RNF149: variants seen among roughly 807,000 people sequenced by gnomAD.
RNF149 encodes E3 ubiquitin-protein ligase RNF149.
A neutral mutation model predicts 39.0 loss-of-function variants in RNF149; 21 were observed. The observed-to-expected ratio is 0.54, with a 90% confidence interval of 0.38 to 0.77. The LOEUF (loss-of-function observed/expected upper bound fraction) is 0.77, where lower values mean the gene tolerates loss of function less well. RNF149 is among the 30% of genes least tolerant of loss of function. The pLI, the probability that RNF149 is intolerant of heterozygous loss-of-function variation, is 0.00. For missense variants in RNF149, 493 were observed against 534.9 expected (o/e 0.92, Z 0.77); for synonymous variants, 209 against 213.6 (o/e 0.98, Z 0.19).
In RNF149 at chr2:101,276,050, C is replaced by T; in HGVS notation, c.*1188G>A. ...AATAATCTATATAAATCTTTATATC[C>T]TACATATGGCTATAAAAATAAATTT... On this transcript the variant is annotated 3_prime_UTR_variant, in exon 7 of 7. Coordinates refer to ENST00000295317, the MANE Select transcript of RNF149 (RefSeq NM_173647.4). 2 of 829,894 alleles carry T rather than the reference C, an allele frequency of 2.4e-6. No homozygotes were observed. Among genetic ancestry groups the T allele is most frequent in the Non-Finnish European group, 2.9e-6 (2 of 688,442 alleles). The allele number at this position is 829,894 out of a possible 1,614,324, so 51.4% of individuals were successfully genotyped here.
At chr2:101,293,869 C>T (rs1478696579) in intron 3 of RNF149, 145 bp downstream of exon 3, 5 of 536,320 alleles carry the variant, frequency 9.3e-6, no homozygotes, top group East Asian at 3.1e-5. Context: ...TTGCTATATG[C>T]GACTAGTGGC....
Position 101,280,201 on chromosome 2 carries a change from A to AATAATGATG in RNF149, c.1159+1657_1159+1658insCATCATTAT, listed in dbSNP as rs70943072. ...AAATAATAATAATAATAATAATAAT[A>AATAATGATG]ATGATGATGATGATGATAATGTAGA... is the stretch of plus-strand genomic sequence containing the variant. On this transcript the variant is annotated intron_variant, in intron 6 of 6. Transcript: ENST00000295317. Among the ~76,000 whole-genome samples the AATAATGATG allele has an allele frequency of 4.4e-4, 65 of 146,634 alleles. No individual in the cohort carries two copies. In the East Asian group the frequency reaches 7.8e-3, roughly 18 times the overall value.
intron 1 of RNF149, among the ~76,000 whole-genome samples, chr2:101,303,281 ATTTT>A (rs57224969): frequency 6.7e-5 from 9 of 135,152 alleles, no homozygotes; most frequent in Non-Finnish European, 7.9e-5. Flanking sequence ...ACGTTGGCTC[ATTTT>A]TTTTTTTTTT....
At position 101,308,619 on chromosome 2, in the gene RNF149, C is replaced by G; in HGVS notation, c.-31G>C. On this transcript the variant is annotated 5_prime_UTR_variant, in exon 1 of 7. Transcript: ENST00000295317. ...CACCGCTGAGCTGACTAGGGGGAGT[C>G]AGGGTCACGCGCGAGTGCGGTGCAG... 6.7e-7 allele frequency: 1 copy of G among 1,483,182 alleles called. No individual in the cohort carries two copies. Among genetic ancestry groups the G allele is most frequent in the African/African-American group, 1.5e-5 (1 of 68,772 alleles). The allele number at this position is 1,483,182 out of a possible 1,614,324, so 91.9% of individuals were successfully genotyped here. A position where few individuals can be genotyped will look rare whatever the true frequency, so the allele number is the denominator to read the frequency against.
In RNF149 at chr2:101,275,938, TG is replaced by T. The variant is rs1387674251; in HGVS notation, c.*1299del. 1.0e-6 allele frequency: 1 copy of T among 984,318 alleles called. No homozygotes were observed. Among genetic ancestry groups the T allele is most frequent in the Admixed American group, 6.1e-5 (1 of 16,264 alleles). 61.0% of individuals were successfully genotyped at this position (984,318 alleles called of 1,614,324 possible). ...TTTCTACTTCAATAGCTCCTCATAC[TG>T]CATCTGTCTGTAGAGTTTATTTCAG... is the stretch of plus-strand genomic sequence containing the variant. On this transcript the variant is annotated 3_prime_UTR_variant, in exon 7 of 7. Transcript: ENST00000295317.
At chr2:101,272,856 CTAT>C (rs1682179959), downstream of RNF149, 3 of 952,524 alleles carry the variant, frequency 3.1e-6, no homozygotes, top group Non-Finnish European at 4.5e-6. Context: ...TCCTGAAGGT[CTAT>C]TATTATTTTT....
chr2:101,276,779 AAAC>A lies in RNF149; in HGVS notation c.*456_*458del, dbSNP rs933377423. The A allele has an allele frequency of 3.0e-6, 3 of 990,012 alleles. No individual in the cohort carries two copies. The highest frequency in any genetic ancestry group is 1.2e-4 in the Admixed American group (2 of 17,238). The allele number at this position is 990,012 out of a possible 1,614,324, so 61.3% of individuals were successfully genotyped here. Reference sequence around the variant, plus strand: ...TACAAGTTTCAAGTTCTTAAAAAAAAAACAACAAAAAAAACCTTTCCTCCAGGG... The same window carrying A: ...TACAAGTTTCAAGTTCTTAAAAAAAAAACAAAAAAAACCTTTCCTCCAGGG... On this transcript the variant is annotated 3_prime_UTR_variant, in exon 7 of 7. Transcript: ENST00000295317.
At chr2:101,298,970 T>G (rs1386578298) in intron 1 of RNF149, among the ~76,000 whole-genome samples, 1 of 152,154 alleles carries the variant, frequency 6.6e-6, no homozygotes, top group African/African-American at 2.4e-5. Flanking sequence ...GCCAACATGG[T>G]GAAACCCCGT....
At position 101,276,016 on chromosome 2, in the gene RNF149, G is replaced by T. The variant is rs1682333131; in HGVS notation, c.*1222C>A. The T allele has an allele frequency of 5.5e-6, 5 of 901,038 alleles. No individual in the cohort carries two copies. In the South Asian group the frequency reaches 2.0e-4, roughly 37 times the overall value. 55.8% of individuals were successfully genotyped at this position (901,038 alleles called of 1,614,324 possible). ...GTAGCTAGAATTAAAGCATTAAGTA[G>T]CTTGAGAAAATAATCTATATAAATC... On this transcript the variant is annotated 3_prime_UTR_variant, in exon 7 of 7. Coordinates refer to ENST00000295317, the MANE Select transcript of RNF149 (RefSeq NM_173647.4).
intron 4 of RNF149, among the ~76,000 whole-genome samples, chr2:101,288,108 A>G (rs1203890821): frequency 2.0e-5 from 3 of 151,218 alleles, no homozygotes; most frequent in Non-Finnish European, 2.9e-5. Context: ...AGCAATTCTC[A>G]TGCCTCAGCC....
intron 1 of RNF149, among the ~76,000 whole-genome samples, chr2:101,296,319 T>A (rs773543495): frequency 1.3e-5 from 2 of 152,014 alleles, no homozygotes; most frequent in African/African-American, 4.8e-5. Flanking sequence ...AAATAAAAAA[T>A]TTTACATGTA....
chr2:101,296,784 C>A (rs1366426936), intron 1 of RNF149, among the ~76,000 whole-genome samples: 1 of 151,806 alleles, frequency 6.6e-6, no homozygotes, highest in Admixed American at 6.6e-5. Context: ...ACATGGGAAT[C>A]AAAAAATACA....
At chr2:101,285,231 G>A (rs1448972539) in intron 5 of RNF149, among the ~76,000 whole-genome samples, 1 of 151,936 alleles carries the variant, frequency 6.6e-6, no homozygotes, top group East Asian at 1.9e-4. Flanking sequence ...AGAATATGTT[G>A]AGACATTAAT....
chr2:101,273,207 G>T, downstream of RNF149: 4 of 1,039,822 alleles, frequency 3.8e-6, no homozygotes, highest in Non-Finnish European at 5.3e-6. Flanking sequence ...TCCAGACACC[G>T]AGGAGCCGAG....
At chr2:101,283,817 T>G (rs985120883) in intron 5 of RNF149, among the ~76,000 whole-genome samples, 2 of 152,176 alleles carry the variant, frequency 1.3e-5, no homozygotes, top group Admixed American at 1.3e-4. Context: ...ACAAAACTCA[T>G]GAGGATTAAA....
At chr2:101,271,620 TG>T (rs1445759600), downstream of RNF149, 1 of 133,926 alleles carries the variant, frequency 7.5e-6, no homozygotes, top group Non-Finnish European at 1.6e-5. Context: ...AAAAAAAAAT[TG>T]AGAGTCAATA....
intron 4 of RNF149, 73 bp downstream of exon 4, chr2:101,288,899 CA>C: frequency 1.4e-6 from 1 of 733,360 alleles, no homozygotes; most frequent in Non-Finnish European, 2.3e-6. Flanking sequence ...TCATAAAAAA[CA>C]AATAACTATT....
chr2:101,288,745 C>T lies in RNF149; in HGVS notation c.863+228G>A, dbSNP rs549436555. Reference sequence around the variant, plus strand: ...GCTTAGAAGACTAAAAGTCAATCTACGACAAAGATACTTAACGAGTCTTAG... The same window carrying T: ...GCTTAGAAGACTAAAAGTCAATCTATGACAAAGATACTTAACGAGTCTTAG... On this transcript the variant is annotated intron_variant, in intron 4 of 6. Transcript: ENST00000295317. 1.5e-5 allele frequency: 6 copies of T among 413,554 alleles called. No individual in the cohort carries two copies. In the South Asian group the frequency reaches 1.6e-4, roughly 11 times the overall value. The allele number at this position is 413,554 out of a possible 1,614,324, so 25.6% of individuals were successfully genotyped here.
intron 4 of RNF149, among the ~76,000 whole-genome samples, chr2:101,287,925 A>G (rs1431939133): frequency 6.6e-6 from 1 of 152,220 alleles, no homozygotes; most frequent in Non-Finnish European, 1.5e-5. Flanking sequence ...TCAGACTTAA[A>G]ACATACAATT....
Sources: allele counts gnomAD v4.1 joint callset (sites outside exome capture counted in the v4.1 genomes callset), GRCh38; gene constraint gnomAD v4.1.1; transcripts MANE v1.5; gene names NCBI Gene and HGNC (gene_info 2026-07-23, HGNC 2026-07-21).